Variants in PCDHGB3 observed in about 807,000 individuals in gnomAD.
PCDHGB3 encodes protocadherin gamma subfamily B, 3, also known as protocadherin gamma-B3.
In PCDHGB3, 40 loss-of-function variants were observed where a neutral mutation model predicts 59.2. The ratio of observed to expected loss-of-function variants is 0.68; its 90% CI spans 0.52 to 0.88. The LOEUF is 0.88. PCDHGB3 is among the 40% of genes least tolerant of loss of function. The pLI is 0.00. For missense variants in PCDHGB3, 1,309 were observed against 1,187.9 expected, an observed-to-expected ratio of 1.10 and a Z score of -1.50; for synonymous variants, 581 against 503.6, an observed-to-expected ratio of 1.15 and a Z score of -2.06.
chr5:141,389,339 C>G, intron 1 of PCDHGB3: 2 of 1,614,010 alleles, frequency 1.2e-6, no homozygotes, highest in Middle Eastern at 1.6e-4. Flanking sequence ...ACGGCCAAGT[C>G]TCTTACTGCA....
chr5:141,439,579 G>A (rs980322898), intron 1 of PCDHGB3, among the ~76,000 whole-genome samples: 6 of 152,148 alleles, frequency 3.9e-5, no homozygotes, highest in African/African-American at 1.4e-4. Context: ...GGGACTCAGA[G>A]TGCCACTGTT....
intron 1 of PCDHGB3, chr5:141,402,869 C>G (rs1051518401): frequency 6.7e-5 from 97 of 1,448,564 alleles, no homozygotes; most frequent in Admixed American, 6.1e-4. Flanking sequence ...GAAAAGATCA[C>G]CATACTTTGC....
intron 1 of PCDHGB3, chr5:141,395,250 C>A: frequency 6.4e-7 from 1 of 1,558,318 alleles, no homozygotes. Context: ...GAGTTTAGTT[C>A]TTTGCTTGCT....
At chr5:141,466,556 T>C (rs1398776914) in intron 1 of PCDHGB3, among the ~76,000 whole-genome samples, 1 of 152,222 alleles carries the variant, frequency 6.6e-6, no homozygotes, top group Non-Finnish European at 1.5e-5. Context: ...TGCTGTGGGC[T>C]TCATCTTCAA....
At chr5:141,400,385 C>G (rs903146096) in intron 1 of PCDHGB3, 1 of 1,614,074 alleles carries the variant, frequency 6.2e-7, no homozygotes, top group Admixed American at 1.7e-5. Flanking sequence ...CTATGTGTTG[C>G]ACATACAGGA....
At chr5:141,478,345 C>T (rs755421316) in intron 1 of PCDHGB3, 3 of 1,613,850 alleles carry the variant, frequency 1.9e-6, no homozygotes, top group East Asian at 4.5e-5. Context: ...CCTCCTTGCA[C>T]GCGGACGCCG....
At chr5:141,495,591 C>G (rs2099762279) in intron 2 of PCDHGB3, among the ~76,000 whole-genome samples, 3 of 152,222 alleles carry the variant, frequency 2.0e-5, no homozygotes, top group African/African-American at 7.2e-5. Context: ...CCATCTCTGT[C>G]TTAGCTTCCG....
chr5:141,433,634 G>T (rs2097636752), intron 1 of PCDHGB3, among the ~76,000 whole-genome samples: 1 of 152,078 alleles, frequency 6.6e-6, no homozygotes, highest in Admixed American at 6.5e-5. Flanking sequence ...TTGGGAGTTT[G>T]AGACCAGCCT....
intron 1 of PCDHGB3, among the ~76,000 whole-genome samples, chr5:141,435,175 C>T (rs1199067294): frequency 6.6e-6 from 1 of 152,030 alleles, no homozygotes; most frequent in East Asian, 1.9e-4. Context: ...TGGCTTTTAA[C>T]TACACTTGAG....
intron 1 of PCDHGB3, chr5:141,394,168 T>A (rs1291860578): frequency 1.7e-5 from 27 of 1,613,634 alleles, no homozygotes; most frequent in Non-Finnish European, 2.2e-5. Flanking sequence ...CCTCCTACTT[T>A]CCCTCATGCC....
chr5:141,384,321 G>A (rs6883770), intron 1 of PCDHGB3: 89,474 of 1,613,740 alleles, frequency 0.055, 2,962 homozygotes, highest in African/African-American at 0.14. Flanking sequence ...TTTTCTTAGT[G>A]ACTGCACAGG....
intron 1 of PCDHGB3, chr5:141,387,869 G>A (rs772536133): frequency 6.3e-7 from 1 of 1,590,306 alleles, no homozygotes; most frequent in Non-Finnish European, 8.5e-7. Context: ...TGAGCAAGCT[G>A]AGGAGAGCAA....
chr5:141,403,121 C>A, intron 1 of PCDHGB3: 1 of 1,614,046 alleles, frequency 6.2e-7, no homozygotes, highest in Middle Eastern at 1.6e-4. Context: ...TCTGGAGCCC[C>A]GGGAGCTGGC....
intron 1 of PCDHGB3, among the ~76,000 whole-genome samples, chr5:141,484,319 C>T (rs1191113560): frequency 6.6e-6 from 1 of 152,212 alleles, no homozygotes; most frequent in Non-Finnish European, 1.5e-5. Context: ...CGCTTCCATA[C>T]TGTCCTTGAA....
In PCDHGB3 at chr5:141,485,318, G is replaced by A. The variant is rs1318256454; in HGVS notation, c.2416-9489G>A. On this transcript the variant is annotated intron_variant, in intron 1 of 3. Transcript: ENST00000576222. The surrounding 1 kb of genome is among the most constrained non-coding windows in gnomAD (Gnocchi z 5.7). ...GGAAGGGACTTTTGTAGGGAATGTC[G>A]CTCAAGATTTCCTGCTGGATACGGA... 3 of 1,614,142 alleles carry A rather than the reference G, an allele frequency of 1.9e-6. No homozygotes were observed. The highest frequency in any genetic ancestry group is 2.5e-6 in the Non-Finnish European group (3 of 1,180,006).
chr5:141,505,557 A>C (rs2099846692), intron 3 of PCDHGB3, 76 bp downstream of exon 3: 1 of 1,606,080 alleles, frequency 6.2e-7, no homozygotes, highest in Non-Finnish European at 8.5e-7. Flanking sequence ...CACCATGCCC[A>C]CGGACTGGAT....
At chr5:141,453,482 A>T (rs979979155) in intron 1 of PCDHGB3, among the ~76,000 whole-genome samples, 1 of 151,990 alleles carries the variant, frequency 6.6e-6, no homozygotes, top group Non-Finnish European at 1.5e-5. Context: ...CAAAACTATT[A>T]AAAAAAGGTG....
chr5:141,428,856 G>A (rs1195849417), intron 1 of PCDHGB3: 4 of 143,808 alleles, frequency 2.8e-5, no homozygotes, highest in Admixed American at 1.4e-4. Flanking sequence ...ATTTTTACGG[G>A]AGACTTTTTT....
chr5:141,415,452 C>T, intron 1 of PCDHGB3: 1 of 1,614,240 alleles, frequency 6.2e-7, no homozygotes, highest in South Asian at 1.1e-5. Flanking sequence ...CCTATTCCCA[C>T]GAGGTCTCTC....
Sources: allele counts gnomAD v4.1 joint callset (sites outside exome capture counted in the v4.1 genomes callset), GRCh38; gene constraint gnomAD v4.1.1; non-coding constraint Gnocchi (gnomAD v3.1); transcripts MANE v1.5; gene names NCBI Gene and HGNC (gene_info 2026-07-23, HGNC 2026-07-21).